Variants in RNFT2 observed in about 807,000 individuals in gnomAD.
RNFT2 encodes the protein ring finger protein, transmembrane 2, also known as E3 ubiquitin-protein ligase RNFT2.
Under a neutral mutation model 53.0 loss-of-function variants are expected in RNFT2, and 36 were observed. That is an observed-to-expected ratio of 0.68 (90% CI 0.52 to 0.90). The LOEUF is 0.90. Ranked by LOEUF, RNFT2 falls within the 40% of genes least tolerant of loss-of-function variation. RNFT2 has a pLI of 0.00. For missense variants in RNFT2, 514 were observed against 585.6 expected (o/e 0.88, Z 1.26); for synonymous variants, 260 against 253.2 (o/e 1.03, Z -0.26).
intron 6 of RNFT2, among the ~76,000 whole-genome samples, chr12:116,778,427 C>G (rs1471933445): frequency 2.0e-5 from 3 of 152,156 alleles, no homozygotes; most frequent in Admixed American, 6.5e-5. Flanking sequence ...GCCAAGACGC[C>G]CCTGGGGTTT....
Position 116,750,870 on chromosome 12 carries a change from TAA to T in RNFT2, c.550+564_550+565del, listed in dbSNP as rs1566069454. Reference sequence around the variant, plus strand: ...ATATATAATATATATTATATATATATAATATATATATTATATATATAATATAT... The same window carrying T: ...ATATATAATATATATTATATATATATTATATATATTATATATATAATATAT... On this transcript the variant is annotated intron_variant, in intron 4 of 10. Coordinates refer to ENST00000257575, the MANE Select transcript of RNFT2 (RefSeq NM_001382266.1). Among the ~76,000 whole-genome samples, 63 of 1,820 alleles carry T rather than the reference TAA, an allele frequency of 0.035. 2 individuals are homozygous for T. The South Asian group carries it at 0.37, about 11-fold the overall frequency. 1.2% of individuals were successfully genotyped at this position (1,820 alleles called of 152,430 possible). A position where few individuals can be genotyped will look rare whatever the true frequency, so the allele number is the denominator to read the frequency against.
In RNFT2 at chr12:116,794,664, G is replaced by A. The variant is rs777010712; in HGVS notation, c.882+15316G>A. Among the ~76,000 whole-genome samples, 445 of 63,116 alleles carry A rather than the reference G, an allele frequency of 7.1e-3. 3 individuals carry two copies. Among genetic ancestry groups the A allele is most frequent in the South Asian group, 0.024 (37 of 1,514 alleles). 41.4% of individuals were successfully genotyped at this position (63,116 alleles called of 152,430 possible). A position where few individuals can be genotyped will look rare whatever the true frequency, so the allele number is the denominator to read the frequency against. On this transcript the variant is annotated intron_variant, in intron 7 of 10. Transcript: ENST00000257575. ...GGAGGGGAGAAGGAAGGAAGGAAGG[G>A]AGGAAGGAAGGGAGGGAGGGAGGGA...
intron 7 of RNFT2, among the ~76,000 whole-genome samples, chr12:116,829,048 T>C (rs1417012656): frequency 2.0e-5 from 3 of 149,982 alleles, no homozygotes; most frequent in African/African-American, 7.3e-5. Context: ...TTGAGAGAGG[T>C]TGGACAGTTT....
chr12:116,739,521 G>A (rs1871492158), intron 1 of RNFT2, among the ~76,000 whole-genome samples: 1 of 152,312 alleles, frequency 6.6e-6, no homozygotes, highest in Non-Finnish European at 1.5e-5. Flanking sequence ...ATAAAACAGG[G>A]CAATATTACG....
At chr12:116,769,010 C>T (rs1013346712) in intron 6 of RNFT2, among the ~76,000 whole-genome samples, 4 of 152,192 alleles carry the variant, frequency 2.6e-5, no homozygotes, top group East Asian at 1.9e-4. Flanking sequence ...AGATTGCAGG[C>T]GTGAGCCACA....
chr12:116,807,962 A>G (rs1482464053), intron 7 of RNFT2, among the ~76,000 whole-genome samples: 4 of 152,040 alleles, frequency 2.6e-5, no homozygotes, highest in Admixed American at 2.6e-4. Context: ...CACCACACTC[A>G]GCTAATTTTT....
chr12:116,800,239 G>A (rs1445484686), intron 7 of RNFT2, among the ~76,000 whole-genome samples: 1 of 152,112 alleles, frequency 6.6e-6, no homozygotes, highest in African/African-American at 2.4e-5. Context: ...GCTCATGCCT[G>A]TAATCCCTGC....
At chr12:116,792,379 A>G (rs1437176270) in intron 7 of RNFT2, among the ~76,000 whole-genome samples, 1 of 151,826 alleles carries the variant, frequency 6.6e-6, no homozygotes, top group Non-Finnish European at 1.5e-5. Flanking sequence ...AATTTTGGAG[A>G]AAAGTCCTCC....
At chr12:116,757,448 G>A (rs755257919) in intron 5 of RNFT2, among the ~76,000 whole-genome samples, 38 of 152,078 alleles carry the variant, frequency 2.5e-4, no homozygotes, top group Non-Finnish European at 5.6e-4. Context: ...TCTTTTTGAT[G>A]TAAGCATTTA....
rs1422422192 is a variant in RNFT2 at position 116,851,802 on chromosome 12, A to T, written c.*2354A>T. The T allele has an allele frequency of 1.3e-5, 13 of 970,796 alleles. No individual in the cohort carries two copies. In the South Asian group the frequency reaches 1.6e-4, roughly 12 times the overall value. 60.1% of individuals were successfully genotyped at this position (970,796 alleles called of 1,614,324 possible). On this transcript the variant is annotated 3_prime_UTR_variant, in exon 11 of 11. Transcript: ENST00000257575. The stretch of plus-strand genomic sequence containing the variant: ...AGGAAGGAAGGAAGGAAGGAAAGAA[A>T]GAAAGGTCAGCTTTGGCCCAGATGT...
intron 7 of RNFT2, among the ~76,000 whole-genome samples, chr12:116,831,505 A>G (rs892953154): frequency 1.3e-5 from 2 of 149,966 alleles, no homozygotes; most frequent in Non-Finnish European, 3.0e-5. Flanking sequence ...ACATAATCAG[A>G]CCCTCTTTTT....
chr12:116,852,333 C>T lies in RNFT2; in HGVS notation c.*2885C>T, dbSNP rs995356272. On this transcript the variant is annotated 3_prime_UTR_variant, in exon 11 of 11. Transcript: ENST00000257575. ...ACATGTCCCCTTCCCCCTGCCCCGC[C>T]GTAGATTCAGGACATTTGCCCCTGT... 4.6e-5 allele frequency: 58 copies of T among 1,262,902 alleles called. 1 individual carries two copies. Among genetic ancestry groups the T allele is most frequent in the South Asian group, 1.9e-4 (9 of 48,046 alleles). 78.2% of individuals were successfully genotyped at this position (1,262,902 alleles called of 1,614,324 possible). A position where few individuals can be genotyped will look rare whatever the true frequency, so the allele number is the denominator to read the frequency against.
chr12:116,789,745 A>C (rs1236290177), intron 7 of RNFT2, among the ~76,000 whole-genome samples: 1 of 144,980 alleles, frequency 6.9e-6, no homozygotes, highest in Non-Finnish European at 1.5e-5. Flanking sequence ...GGATGGGTGG[A>C]TGGGTAAATG....
At chr12:116,848,797 C>T (rs1025385349) in intron 10 of RNFT2, among the ~76,000 whole-genome samples, 1 of 151,934 alleles carries the variant, frequency 6.6e-6, no homozygotes, top group Non-Finnish European at 1.5e-5. Flanking sequence ...GTTCCTTCTC[C>T]CTCCTGCTTT....
chr12:116,760,286 AAAG>A (rs1449842714), intron 5 of RNFT2, among the ~76,000 whole-genome samples: 1 of 152,180 alleles, frequency 6.6e-6, no homozygotes, highest in African/African-American at 2.4e-5. Flanking sequence ...CCCAGCTGCC[AAAG>A]AAGAGGGTTT....
At chr12:116,836,763 A>G (rs144540144) in intron 10 of RNFT2, among the ~76,000 whole-genome samples, 4,237 of 147,908 alleles carry the variant, frequency 0.029, 197 homozygotes, top group African/African-American at 0.098. Context: ...TGTCTCTACT[A>G]AAAAAAAAAT....
At position 116,803,827 on chromosome 12, in the gene RNFT2, G is replaced by A. The variant is rs146941648; in HGVS notation, c.882+24479G>A. ...TCCACTGGAACCTCAACATCAGGGG[G>A]CCAATGAGGGAAGGGAAACTGGAGA... On this transcript the variant is annotated intron_variant, in intron 7 of 10. Transcript: ENST00000257575. Among the ~76,000 whole-genome samples the A allele has an allele frequency of 2.5e-3, 376 of 152,328 alleles. 3 individuals carry two copies. Among genetic ancestry groups the A allele is most frequent in the African/African-American group, 8.4e-3 (351 of 41,562 alleles).
chr12:116,758,293 A>C (rs10161190), intron 5 of RNFT2, among the ~76,000 whole-genome samples: 12,219 of 152,266 alleles, frequency 0.08, 654 homozygotes, highest in South Asian at 0.15. Context: ...GTGTCTTTTA[A>C]GTGGAGCATT....
intron 3 of RNFT2, among the ~76,000 whole-genome samples, chr12:116,747,768 C>T (rs1442853481): frequency 6.6e-6 from 1 of 152,098 alleles, no homozygotes; most frequent in African/African-American, 2.4e-5. Context: ...GAGGTGCCTG[C>T]AGGGTGAGAG....
Sources: allele counts gnomAD v4.1 joint callset (sites outside exome capture counted in the v4.1 genomes callset), GRCh38; gene constraint gnomAD v4.1.1; transcripts MANE v1.5; gene names NCBI Gene and HGNC (gene_info 2026-07-23, HGNC 2026-07-21).